PROCR: variants seen among roughly 807,000 people sequenced by gnomAD.
PROCR encodes protein C receptor.
In PROCR, 22 loss-of-function variants were observed where a neutral mutation model predicts 24.2. The ratio of observed to expected loss-of-function variants is 0.91; its 90% CI spans 0.65 to 1.30. The LOEUF is 1.30. Among genes scored for constraint, PROCR ranks in the 50% most tolerant of loss-of-function variants. The pLI is 0.00. For synonymous variants in PROCR, 137 were observed against 139.2 expected (o/e 0.98, Z 0.11); for missense variants, 288 against 307.7 (o/e 0.94, Z 0.48).
rs926659678 is a variant in PROCR, at chr20:35,186,952, C to CA, written c.94+10518dup. ...TGGGCAACAAAGCAAGACTCTGTCT[C>CA]AAAAAAAAAAAAGAAAAAAAAATAG... is the stretch of plus-strand genomic sequence containing the variant. On this transcript the variant is annotated intron_variant, in intron 1 of 1. Transcript: ENST00000634509. Among the ~76,000 whole-genome samples, 243 of 129,484 alleles carry CA rather than the reference C, an allele frequency of 1.9e-3. 1 individual carries two copies. Among genetic ancestry groups the CA allele is most frequent in the African/African-American group, 4.9e-3 (170 of 35,040 alleles). 84.9% of individuals were successfully genotyped at this position (129,484 alleles called of 152,430 possible). A position where few individuals can be genotyped will look rare whatever the true frequency, so the allele number is the denominator to read the frequency against.
chr20:35,199,362 T>C (rs1324641806), intron 1 of PROCR, among the ~76,000 whole-genome samples: 1 of 152,192 alleles, frequency 6.6e-6, no homozygotes, highest in African/African-American at 2.4e-5. Context: ...CTGATGGAGA[T>C]GTACAAGGAG....
chr20:35,174,907 G>C lies in PROCR; in HGVS notation c.276G>C (p.Gln92His), dbSNP rs2085993193. Residue 92 changes from glutamine to histidine, a missense_variant, in exon 2 of 4, where the codon CAG (glutamine) becomes CAC (histidine). By Grantham distance (24) the Gln-to-His change is conservative. Transcript: ENST00000216968. ...TQSGLQSYLL[Q>H]FHGLVRLVHQ... is the part of the protein sequence containing the mutation. The stretch of plus-strand genomic sequence containing the variant: ...GTGGCCTGCAGTCCTACCTGCTCCA[G>C]TTCCACGGCCTCGTGCGCCTGGTGC... 1 of 1,605,852 alleles carries C rather than the reference G, an allele frequency of 6.2e-7. No individual in the cohort carries two copies. Among genetic ancestry groups the C allele is most frequent in the Non-Finnish European group, 8.5e-7 (1 of 1,176,334 alleles).
At chr20:35,211,453 T>C (rs781696377) in intron 1 of PROCR, among the ~76,000 whole-genome samples, 3 of 152,116 alleles carry the variant, frequency 2.0e-5, no homozygotes, top group Non-Finnish European at 2.9e-5. Context: ...GAAGAACCAG[T>C]CATCAGGACC....
chr20:35,174,903 T>G lies in PROCR; in HGVS notation c.272T>G (p.Leu91Arg). Reference protein sequence around the residue: ...RTQSGLQSYLLQFHGLVRLVH... With the variant: ...RTQSGLQSYLRQFHGLVRLVH... ...CAGAGTGGCCTGCAGTCCTACCTGCTCCAGTTCCACGGCCTCGTGCGCCTG... is the reference window on the plus strand; with the variant it reads ...CAGAGTGGCCTGCAGTCCTACCTGCGCCAGTTCCACGGCCTCGTGCGCCTG... The change falls in exon 2 of 4, where the codon CTC becomes CGC. Residue 91 changes from leucine (L) to arginine (R), a missense_variant. Leu to Arg is a moderately radical substitution (Grantham distance 102, BLOSUM62 -2). Transcript: ENST00000216968. The G allele has an allele frequency of 6.2e-7, 1 of 1,604,220 alleles. No homozygotes were observed. Among genetic ancestry groups the G allele is most frequent in the Non-Finnish European group, 8.5e-7 (1 of 1,175,576 alleles).
At chr20:35,182,969 G>C (rs1253562926) in intron 1 of PROCR, among the ~76,000 whole-genome samples, 1 of 101,312 alleles carries the variant, frequency 9.9e-6, no homozygotes, top group African/African-American at 4.0e-5. Flanking sequence ...GCGAGACTCC[G>C]TCTCAAAAAA....
At chr20:35,186,969 A>C (rs1187781822) in intron 1 of PROCR, among the ~76,000 whole-genome samples, 1 of 152,092 alleles carries the variant, frequency 6.6e-6, no homozygotes, top group African/African-American at 2.4e-5. Flanking sequence ...AAAAAAGAAA[A>C]AAAAATAGCA....
chr20:35,206,474 CAAAAAAAAAAA>C (rs34186603), intron 1 of PROCR, among the ~76,000 whole-genome samples: 1 of 68,782 alleles, frequency 1.5e-5, no homozygotes, highest in Non-Finnish European at 2.7e-5. Flanking sequence ...GACTCTATCT[CAAAAAAAAAAA>C]AAAAAAAAAA....
intron 1 of PROCR, among the ~76,000 whole-genome samples, chr20:35,208,861 A>G (rs1170354740): frequency 6.6e-6 from 1 of 152,092 alleles, no homozygotes; most frequent in African/African-American, 2.4e-5. Flanking sequence ...AATACCAGCT[A>G]CTCGGGAGGC....
intron 1 of PROCR, among the ~76,000 whole-genome samples, chr20:35,186,939 C>G (rs1213238687): frequency 6.8e-6 from 1 of 148,038 alleles, no homozygotes; most frequent in African/African-American, 2.5e-5. Flanking sequence ...GGCAACAAAG[C>G]AAGACTCTGT....
At chr20:35,207,178 C>A (rs1245293604) in intron 1 of PROCR, among the ~76,000 whole-genome samples, 1 of 151,994 alleles carries the variant, frequency 6.6e-6, no homozygotes, top group Non-Finnish European at 1.5e-5. Flanking sequence ...GTTGCCAGGG[C>A]TTAAGGGTAG....
At chr20:35,177,799 C>G (rs2086035880), downstream of PROCR, among the ~76,000 whole-genome samples, 1 of 152,146 alleles carries the variant, frequency 6.6e-6, no homozygotes, top group Non-Finnish European at 1.5e-5. Flanking sequence ...CCAGTAACCT[C>G]TAATTGTCAA....
chr20:35,185,745 A>AG (rs770973412), intron 1 of PROCR, among the ~76,000 whole-genome samples: 3 of 152,066 alleles, frequency 2.0e-5, no homozygotes, highest in South Asian at 2.1e-4. Context: ...AAAGAGTGGG[A>AG]GGGGGGTGAG....
chr20:35,208,288 ACT>A (rs2060349388), intron 1 of PROCR, among the ~76,000 whole-genome samples: 1 of 152,018 alleles, frequency 6.6e-6, no homozygotes, highest in Non-Finnish European at 1.5e-5. Context: ...GAATCTGTCA[ACT>A]CTCTACTGCA....
downstream of PROCR, among the ~76,000 whole-genome samples, chr20:35,181,714 C>A (rs985066399): frequency 6.6e-6 from 1 of 152,176 alleles, no homozygotes; most frequent in Non-Finnish European, 1.5e-5. Flanking sequence ...AAAGGAAAAA[C>A]GGAACGCCTC....
At chr20:35,207,921 G>GT (rs2060348362) in intron 1 of PROCR, among the ~76,000 whole-genome samples, 1 of 55,724 alleles carries the variant, frequency 1.8e-5, no homozygotes, top group African/African-American at 1.1e-4. Context: ...TAATTTTTGA[G>GT]TAAGTTATTC....
intron 1 of PROCR, among the ~76,000 whole-genome samples, chr20:35,213,638 T>C (rs1351157698): frequency 6.6e-6 from 1 of 152,150 alleles, no homozygotes; most frequent in Non-Finnish European, 1.5e-5. Flanking sequence ...ATTACACTTA[T>C]TTTTTTAGAA....
rs200548482 is a variant in PROCR, at chr20:35,176,178, C to G, written c.333C>G (p.Thr111=). ...ACTGTCTATCCACAGTTCCTCTGACCATCCGCTGCTTCCTGGGCTGTGAGC... is the reference window on the plus strand; with the variant it reads ...ACTGTCTATCCACAGTTCCTCTGACGATCCGCTGCTTCCTGGGCTGTGAGC... ...HQERTLAFPL[T]IRCFLGCELP... is the part of the protein sequence containing the mutation. Residue 111 remains threonine, a synonymous_variant, in exon 3 of 4, where the codon ACC becomes ACG. Transcript: ENST00000216968. The G allele has an allele frequency of 1.6e-4, 254 of 1,614,008 alleles. 7 individuals carry two copies. In the Admixed American group the frequency reaches 4.0e-3, roughly 26 times the overall value.
chr20:35,213,099 G>C (rs2060368177), intron 1 of PROCR, among the ~76,000 whole-genome samples: 1 of 152,228 alleles, frequency 6.6e-6, no homozygotes, highest in Non-Finnish European at 1.5e-5. Context: ...GGGAGGCCGA[G>C]GCAGATGGAT....
intron 1 of PROCR, among the ~76,000 whole-genome samples, chr20:35,212,165 G>C (rs2060364950): frequency 6.6e-6 from 1 of 152,160 alleles, no homozygotes. Flanking sequence ...CTTCCCAAAG[G>C]AGGTCACATT....
Sources: gnomAD v4.1 joint callset for allele counts (sites outside exome capture counted in the v4.1 genomes callset) on GRCh38, gnomAD v4.1.1 for gene constraint, MANE v1.5 for transcripts, NCBI Gene and HGNC (gene_info 2026-07-23, HGNC 2026-07-21) for gene names.